SCD5: variants seen among roughly 807,000 people sequenced by gnomAD.
SCD5 encodes acyl-CoA-desaturase 4.
SCD5 carries 20 observed loss-of-function variants against 30.4 expected under a neutral mutation model. That is an observed-to-expected ratio of 0.66 (90% CI 0.46 to 0.96). The LOEUF is 0.96. SCD5 is among the 40% of genes least tolerant of loss of function. The probability of loss-of-function intolerance (pLI) is 0.00; values close to 1 mark genes in which losing one functional copy is unlikely to be tolerated. For missense variants in SCD5, 381 were observed against 443.3 expected, an observed-to-expected ratio of 0.86 and a Z score of 1.26; for synonymous variants, 173 against 176.4, an observed-to-expected ratio of 0.98 and a Z score of 0.16.
At chr4:82,790,145 T>A (rs929104303) in intron 1 of SCD5, among the ~76,000 whole-genome samples, 1 of 152,136 alleles carries the variant, frequency 6.6e-6, no homozygotes, top group Non-Finnish European at 1.5e-5. Context: ...TGTCCCAGTG[T>A]CTTTCCTGAA....
At chr4:82,793,820 G>A (rs1456855351) in intron 1 of SCD5, among the ~76,000 whole-genome samples, 1 of 152,146 alleles carries the variant, frequency 6.6e-6, no homozygotes, top group Non-Finnish European at 1.5e-5. Flanking sequence ...GTAAGTAGAA[G>A]AGCAGGGATT....
At chr4:82,701,205 C>G (rs1308876753) in intron 2 of SCD5, among the ~76,000 whole-genome samples, 1 of 151,900 alleles carries the variant, frequency 6.6e-6, no homozygotes, top group Non-Finnish European at 1.5e-5. Flanking sequence ...ATGTATATTG[C>G]AAATTCTAGG....
In SCD5 at chr4:82,660,665, C is replaced by T. The variant is rs542485492; in HGVS notation, c.569+20042G>A. 11 of 1,403,590 alleles carry T rather than the reference C, an allele frequency of 7.8e-6. No homozygotes were observed. In the African/African-American group the frequency reaches 1.3e-4, roughly 17 times the overall value. 86.9% of individuals were successfully genotyped at this position (1,403,590 alleles called of 1,614,324 possible). A position where few individuals can be genotyped will look rare whatever the true frequency, so the allele number is the denominator to read the frequency against. On this transcript the variant is annotated intron_variant, in intron 3 of 4. Transcript: ENST00000319540. ...GAATCTCAGAGACAGAATGACAAAA[C>T]TGAAATCTTTTTGATTTTAGGACCA...
At chr4:82,652,471 G>A (rs1226052171) in intron 3 of SCD5, among the ~76,000 whole-genome samples, 1 of 152,188 alleles carries the variant, frequency 6.6e-6, no homozygotes, top group Non-Finnish European at 1.5e-5. Context: ...GAAAGAGTAT[G>A]CACTTTGGAC....
intron 3 of SCD5, among the ~76,000 whole-genome samples, chr4:82,679,107 G>A (rs1290527915): frequency 6.6e-6 from 1 of 150,910 alleles, no homozygotes; most frequent in East Asian, 1.9e-4. Context: ...CCTGCAGCAG[G>A]AGAATCGCTT....
intron 1 of SCD5, among the ~76,000 whole-genome samples, chr4:82,760,965 A>T (rs748619576): frequency 1.3e-5 from 2 of 152,232 alleles, no homozygotes; most frequent in Non-Finnish European, 2.9e-5. Context: ...GCAGCTTGCC[A>T]TTGGGAGAAT....
intron 3 of SCD5, among the ~76,000 whole-genome samples, chr4:82,673,251 T>C (rs922647803): frequency 6.6e-6 from 1 of 152,106 alleles, no homozygotes; most frequent in African/African-American, 2.4e-5. Flanking sequence ...TGTGTTGTCT[T>C]TGTAGAAGAT....
intron 1 of SCD5, among the ~76,000 whole-genome samples, chr4:82,783,300 A>T (rs17006324): frequency 0.043 from 6,534 of 152,260 alleles, 467 homozygotes; most frequent in African/African-American, 0.15. Flanking sequence ...TCCATGGACA[A>T]TGTAGCCAGA....
At chr4:82,656,803 T>G (rs1727876397) in intron 3 of SCD5, among the ~76,000 whole-genome samples, 1 of 152,228 alleles carries the variant, frequency 6.6e-6, no homozygotes, top group African/African-American at 2.4e-5. Flanking sequence ...GTAACTGGTA[T>G]GAGATGGTAT....
At chr4:82,784,031 T>C (rs565343784) in intron 1 of SCD5, among the ~76,000 whole-genome samples, 1 of 152,234 alleles carries the variant, frequency 6.6e-6, no homozygotes, top group South Asian at 2.1e-4. Context: ...ATAACGTATA[T>C]ACATACACAG....
intron 1 of SCD5, among the ~76,000 whole-genome samples, chr4:82,772,027 G>A (rs1721635060): frequency 6.6e-6 from 1 of 152,178 alleles, no homozygotes; most frequent in African/African-American, 2.4e-5. Context: ...TCCTGGTCAG[G>A]TAAAGCCCAG....
intron 1 of SCD5, among the ~76,000 whole-genome samples, chr4:82,717,332 G>A (rs1249383105): frequency 1.3e-5 from 2 of 151,644 alleles, no homozygotes; most frequent in Non-Finnish European, 2.9e-5. Flanking sequence ...AAATGGGGAA[G>A]AGCAAACACA....
chr4:82,715,057 T>TGAAAC (rs1364529610), intron 1 of SCD5, among the ~76,000 whole-genome samples: 1 of 151,048 alleles, frequency 6.6e-6, no homozygotes, highest in Non-Finnish European at 1.5e-5. Flanking sequence ...GCCAACATGA[T>TGAAAC]GAAACCCCGC....
chr4:82,640,280 G>A (rs564686080), intron 3 of SCD5, among the ~76,000 whole-genome samples: 3 of 152,286 alleles, frequency 2.0e-5, no homozygotes, highest in African/African-American at 4.8e-5. Flanking sequence ...CCCTGTGGAC[G>A]GACAGCACTA....
At chr4:82,687,475 C>T (rs1227079464) in intron 2 of SCD5, among the ~76,000 whole-genome samples, 2 of 152,222 alleles carry the variant, frequency 1.3e-5, no homozygotes, top group Non-Finnish European at 2.9e-5. Context: ...AACAACCCAG[C>T]TTCTCCTCGA....
chr4:82,660,394 T>A, intron 3 of SCD5: 1 of 794,600 alleles, frequency 1.3e-6, no homozygotes, highest in Non-Finnish European at 1.5e-6. Flanking sequence ...TAGAAATACA[T>A]CTGGAAATGA....
At chr4:82,701,095 G>A (rs1314788193) in intron 2 of SCD5, among the ~76,000 whole-genome samples, 1 of 152,194 alleles carries the variant, frequency 6.6e-6, no homozygotes, top group Non-Finnish European at 1.5e-5. Context: ...AGACAGGAGG[G>A]AGAAATTGGG....
chr4:82,746,360 TGATGA>T (rs1011383228), intron 1 of SCD5, among the ~76,000 whole-genome samples: 1 of 152,248 alleles, frequency 6.6e-6, no homozygotes, highest in Admixed American at 6.5e-5. Context: ...AAAGTGTTTT[TGATGA>T]GATGAGACTC....
intron 3 of SCD5, 101 bp from the exon 4 acceptor site, chr4:82,636,924 A>G: frequency 1.0e-6 from 1 of 976,942 alleles, no homozygotes; most frequent in South Asian, 1.7e-5. Context: ...CAGGGAGAGA[A>G]CTGTGCCAGT....
Sources: gnomAD v4.1 joint callset for allele counts (sites outside exome capture counted in the v4.1 genomes callset) on GRCh38, gnomAD v4.1.1 for gene constraint, MANE v1.5 for transcripts, NCBI Gene and HGNC (gene_info 2026-07-23, HGNC 2026-07-21) for gene names.